CCSER1: variants seen among roughly 807,000 people sequenced by gnomAD.
CCSER1 encodes serine-rich coiled-coil domain-containing protein 1.
In CCSER1, 41 loss-of-function variants were observed where a neutral mutation model predicts 82.0. The ratio of observed to expected loss-of-function variants is 0.50; its 90% CI spans 0.39 to 0.65. CCSER1 has a LOEUF of 0.65. CCSER1 is among the 30% of genes least tolerant of loss of function. The pLI, the probability that CCSER1 is intolerant of heterozygous loss-of-function variation, is 0.00. For synonymous variants in CCSER1, 414 were observed against 383.9 expected, an observed-to-expected ratio of 1.08 and a Z score of -0.92; for missense variants, 1,119 against 1,064.2, an observed-to-expected ratio of 1.05 and a Z score of -0.72.
At chr4:91,202,204 T>C (rs2149068598) in intron 10 of CCSER1, among the ~76,000 whole-genome samples, 1 of 149,784 alleles carries the variant, frequency 6.7e-6, no homozygotes, top group South Asian at 2.1e-4. Context: ...GGCCAAAGTG[T>C]TGGGGAGAAT....
intron 8 of CCSER1, among the ~76,000 whole-genome samples, chr4:90,867,296 A>G (rs1361913401): frequency 6.6e-6 from 1 of 152,082 alleles, no homozygotes; most frequent in Non-Finnish European, 1.5e-5. Context: ...ACAGCTTCTC[A>G]GAAGGGAATA....
At chr4:90,164,863 AT>A (rs534026307) in intron 1 of CCSER1, among the ~76,000 whole-genome samples, 2 of 151,902 alleles carry the variant, frequency 1.3e-5, no homozygotes, top group Admixed American at 6.6e-5. Flanking sequence ...ATGTTTTTGA[AT>A]TTTTTTTGAA....
chr4:90,223,085 C>T (rs1355430941), intron 1 of CCSER1, among the ~76,000 whole-genome samples: 1 of 152,164 alleles, frequency 6.6e-6, no homozygotes, highest in Non-Finnish European at 1.5e-5. Context: ...CTCCTATTCC[C>T]TTTGTGTAAC....
intron 6 of CCSER1, among the ~76,000 whole-genome samples, chr4:90,634,461 A>G (rs942597149): frequency 6.6e-6 from 1 of 151,768 alleles, no homozygotes; most frequent in Non-Finnish European, 1.5e-5. Flanking sequence ...TTTCAGCGTA[A>G]TTTGCAATTA....
chr4:90,593,750 C>T (rs1045938280), intron 5 of CCSER1, among the ~76,000 whole-genome samples: 9 of 151,980 alleles, frequency 5.9e-5, no homozygotes, highest in African/African-American at 1.7e-4. Context: ...TGCTTGGATG[C>T]GTCTCCTCTG....
At chr4:90,645,897 C>T (rs961616384) in intron 6 of CCSER1, among the ~76,000 whole-genome samples, 5 of 152,104 alleles carry the variant, frequency 3.3e-5, no homozygotes, top group African/African-American at 9.7e-5. Flanking sequence ...TAAATACCAC[C>T]GGAAAGATAA....
chr4:91,596,509 T>C (rs1764586701), intron 10 of CCSER1, among the ~76,000 whole-genome samples: 1 of 152,014 alleles, frequency 6.6e-6, no homozygotes, highest in African/African-American at 2.4e-5. Context: ...GGTTGGTTGG[T>C]AACAATTAAA....
chr4:90,887,684 G>T (rs186727678), intron 8 of CCSER1, among the ~76,000 whole-genome samples: 32 of 152,134 alleles, frequency 2.1e-4, no homozygotes, highest in African/African-American at 7.7e-4. Flanking sequence ...GAGCTCAAGA[G>T]CATCCTGGCC....
At chr4:90,989,737 T>G (rs1736863656) in intron 9 of CCSER1, among the ~76,000 whole-genome samples, 1 of 151,712 alleles carries the variant, frequency 6.6e-6, no homozygotes, top group South Asian at 2.1e-4. Context: ...GAGCTTCAGA[T>G]AGTACTGCAA....
chr4:90,543,852 G>T (rs905996173), intron 5 of CCSER1, among the ~76,000 whole-genome samples: 1 of 152,074 alleles, frequency 6.6e-6, no homozygotes. Context: ...GTGAATAATT[G>T]GTCAGATATA....
intron 10 of CCSER1, among the ~76,000 whole-genome samples, chr4:91,121,708 T>C (rs1259760637): frequency 6.6e-6 from 1 of 151,596 alleles, no homozygotes; most frequent in Admixed American, 6.6e-5. Flanking sequence ...CAAGAAATAA[T>C]TTTTTAAAAT....
At chr4:90,293,290 A>G (rs530953364) in intron 1 of CCSER1, among the ~76,000 whole-genome samples, 1 of 151,842 alleles carries the variant, frequency 6.6e-6, no homozygotes, top group Admixed American at 6.6e-5. Flanking sequence ...TCCTATACAT[A>G]TTTATAAGAG....
chr4:91,302,946 A>G (rs1744784127), intron 10 of CCSER1, among the ~76,000 whole-genome samples: 1 of 152,048 alleles, frequency 6.6e-6, no homozygotes, highest in Non-Finnish European at 1.5e-5. Flanking sequence ...TATAAACTCA[A>G]TGACAACAAG....
chr4:91,099,386 CA>C (rs1228892079), intron 10 of CCSER1, among the ~76,000 whole-genome samples: 2 of 152,044 alleles, frequency 1.3e-5, no homozygotes, highest in Non-Finnish European at 2.9e-5. Context: ...AAAAATATCT[CA>C]AAACTCAGAA....
chr4:90,476,540 C>G (rs1765134649), intron 5 of CCSER1, among the ~76,000 whole-genome samples: 1 of 152,002 alleles, frequency 6.6e-6, no homozygotes, highest in Non-Finnish European at 1.5e-5. Context: ...TGCCATCAAT[C>G]TTCTGTATTT....
In CCSER1 at chr4:91,435,535, G is replaced by A. The variant is rs552071182; in HGVS notation, c.2218-163037G>A. ...AAATTGCTTTCTCTTACTTTTCATC[G>A]TCTGAGAGTTAGAAGATTGTTAGAA... On this transcript the variant is annotated intron_variant, in intron 10 of 10. Transcript: ENST00000509176. Among the ~76,000 whole-genome samples the A allele has an allele frequency of 1.5e-4, 23 of 151,912 alleles. No homozygotes were observed. In the South Asian group the frequency reaches 2.7e-3, roughly 18 times the overall value.
At chr4:90,843,202 T>C (rs1361223188) in intron 8 of CCSER1, among the ~76,000 whole-genome samples, 1 of 150,998 alleles carries the variant, frequency 6.6e-6, no homozygotes, top group Admixed American at 6.6e-5. Context: ...AGTATCTACT[T>C]CATGTAATGT....
chr4:91,522,259 C>T (rs981626987), intron 10 of CCSER1, among the ~76,000 whole-genome samples: 24 of 152,236 alleles, frequency 1.6e-4, no homozygotes, highest in South Asian at 4.1e-4. Flanking sequence ...GGTACCAGTA[C>T]CATGCTGTTT....
intron 10 of CCSER1, among the ~76,000 whole-genome samples, chr4:91,512,422 G>T (rs185429659): frequency 3.4e-3 from 524 of 152,206 alleles, no homozygotes; most frequent in Non-Finnish European, 5.8e-3. Context: ...TACACCAGTG[G>T]TTTGCCAAGG....
Sources: allele counts gnomAD v4.1 joint callset (sites outside exome capture counted in the v4.1 genomes callset), GRCh38; gene constraint gnomAD v4.1.1; transcripts MANE v1.5; gene names NCBI Gene and HGNC (gene_info 2026-07-23, HGNC 2026-07-21).